The following BTN1A1 variants were observed in gnomAD, a reference collection of about 807,000 sequenced individuals.
The protein encoded by BTN1A1 is bK14H9.2 (butyrophilin, subfamily 1, member A1).
In BTN1A1, 26 loss-of-function variants were observed where a neutral mutation model predicts 33.1. That is an observed-to-expected ratio of 0.79 (90% CI 0.58 to 1.09). BTN1A1 has a LOEUF of 1.09. BTN1A1 is among the 50% of genes least tolerant of loss of function. BTN1A1 has a pLI of 0.00. For synonymous variants in BTN1A1, 235 were observed against 256.2 expected, an observed-to-expected ratio of 0.92 and a Z score of 0.79; for missense variants, 558 against 655.7, an observed-to-expected ratio of 0.85 and a Z score of 1.63.
intron 4 of BTN1A1, among the ~76,000 whole-genome samples, chr6:26,506,159 T>G (rs1432902983): frequency 6.6e-6 from 1 of 151,840 alleles, no homozygotes; most frequent in Non-Finnish European, 1.5e-5. Context: ...TTTTTCTACT[T>G]TTGCCATTTC....
At position 26,505,009 on chromosome 6, in the gene BTN1A1, C is replaced by G. The variant is rs1454414420; in HGVS notation, c.512C>G (p.Pro171Arg). 5.6e-6 allele frequency: 9 copies of G among 1,614,024 alleles called. No homozygotes were observed. Among genetic ancestry groups the G allele is most frequent in the Non-Finnish European group, 2.5e-6 (3 of 1,180,018 alleles). ...GAGTGCACCTCAGTGGGATGGTACC[C>G]AGAGCCCCAGGTGCAGTGGAGAACT... ...CLECTSVGWY[P>R]EPQVQWRTSK... Residue 171 changes from proline (P) to arginine (R), a missense_variant, in exon 4 of 8, where the codon CCA (proline) becomes CGA (arginine). Coordinates refer to ENST00000684113, the MANE Select transcript of BTN1A1 (RefSeq NM_001732.3).
chr6:26,508,816 C>A lies in BTN1A1; in HGVS notation c.1223C>A (p.Pro408His), dbSNP rs759635479. The change falls in exon 8 of 8, where the codon CCT (proline) becomes CAT (histidine). Residue 408 changes from proline to histidine, a missense_variant. Pro to His is a moderately conservative substitution (Grantham distance 77). Transcript: ENST00000684113. The stretch of plus-strand genomic sequence containing the variant: ...GGAAATGGGTACTGGGCCCTCACTC[C>A]TCTCCGGACCCCTCTCCCATTGGCA... ...LYGNGYWALT[P>H]LRTPLPLAGP... is the part of the protein sequence containing the mutation. 80 of 1,614,088 alleles carry A rather than the reference C, an allele frequency of 5.0e-5. No homozygotes were observed. Among genetic ancestry groups the A allele is most frequent in the Middle Eastern group, 1.6e-4 (1 of 6,084 alleles).
chr6:26,509,218 C>G lies in BTN1A1; in HGVS notation c.*44C>G. On this transcript the variant is annotated 3_prime_UTR_variant, in exon 8 of 8. Coordinates refer to ENST00000684113, the MANE Select transcript of BTN1A1 (RefSeq NM_001732.3). ...TGTTTTCCTTTCCTCTAACCCCTCT[C>G]CTCCATAGCCTTCTGAGGCTTCACC... 1 of 1,500,516 alleles carries G rather than the reference C, an allele frequency of 6.7e-7. No homozygotes were observed. The highest frequency in any genetic ancestry group is 2.0e-4 in the Middle Eastern group (1 of 4,888). The allele number at this position is 1,500,516 out of a possible 1,614,324, so 93.0% of individuals were successfully genotyped here.
In BTN1A1 at chr6:26,501,413, A is replaced by C. The variant is rs1368467350; in HGVS notation, c.79+48A>C. The stretch of plus-strand genomic sequence containing the variant: ...GCTGCATAGTTGAAATATATCAATA[A>C]ATGTAAAATAAACAATCCCACTTGG... On this transcript the variant is annotated intron_variant, in intron 2 of 7. Coordinates refer to ENST00000684113, the MANE Select transcript of BTN1A1 (RefSeq NM_001732.3). This position sits in a 1 kb window ranked among gnomAD's most constrained non-coding sequence, Gnocchi z 5.2. 2 of 1,588,968 alleles carry C rather than the reference A, an allele frequency of 1.3e-6. No individual in the cohort carries two copies. Among genetic ancestry groups the C allele is most frequent in the Non-Finnish European group, 1.7e-6 (2 of 1,157,480 alleles).
intron 7 of BTN1A1, 125 bp from the exon 8 acceptor site, chr6:26,508,376 C>T (rs939474959): frequency 7.7e-6 from 9 of 1,173,800 alleles, no homozygotes; most frequent in Non-Finnish European, 8.4e-6. Flanking sequence ...GCAGGCCAAA[C>T]ATCCCCCCAC....
chr6:26,505,268 G>A, intron 4 of BTN1A1, 62 bp downstream of exon 4: 1 of 1,516,146 alleles, frequency 6.6e-7, no homozygotes, highest in Non-Finnish European at 9.0e-7. Flanking sequence ...ACACCACCTG[G>A]GACACCTGCC....
chr6:26,507,913 A>G (rs1581430961), intron 5 of BTN1A1, 37 bp from the exon 6 acceptor site: 2 of 1,612,830 alleles, frequency 1.2e-6, no homozygotes, highest in East Asian at 2.2e-5. Flanking sequence ...TACGTCCACT[A>G]TAGAAAGCCA....
chr6:26,506,784 C>T lies in BTN1A1; in HGVS notation c.811C>T (p.Leu271=). 1.2e-6 allele frequency: 2 copies of T among 1,614,082 alleles called. No homozygotes were observed. The highest frequency in any genetic ancestry group is 1.1e-5 in the South Asian group (1 of 91,072). Residue 271 remains leucine, a synonymous_variant, in exon 5 of 8, where the codon CTA becomes TTA. Transcript: ENST00000684113. The part of the protein sequence containing the change: ...TIGSIFFTWR[L]YNERPRERRN... ...TGGGTCCATATTTTTCACTTGGAGA[C>T]TATACAACGAAAGACCCAGAGAGAG...
At chr6:26,506,178 C>G (rs1763868025) in intron 4 of BTN1A1, among the ~76,000 whole-genome samples, 1 of 151,634 alleles carries the variant, frequency 6.6e-6, no homozygotes, top group South Asian at 2.1e-4. Context: ...TCCACCCATA[C>G]TCACTTCTCC....
At position 26,505,090 on chromosome 6, in the gene BTN1A1, G is replaced by A; in HGVS notation, c.593G>A (p.Gly198Asp). 2.5e-6 allele frequency: 4 copies of A among 1,614,242 alleles called. 1 individual carries two copies. Among genetic ancestry groups the A allele is most frequent in the South Asian group, 1.1e-5 (1 of 91,092 alleles). Reference sequence around the variant, plus strand: ...GAGTCCAGGAATCCTGATGAAGAAGGTTTGTTCACTGTGGCTGCTTCAGTG... The same window carrying A: ...GAGTCCAGGAATCCTGATGAAGAAGATTTGTTCACTGTGGCTGCTTCAGTG... ...TSESRNPDEE[G>D]LFTVAASVII... Residue 198 changes from glycine to aspartate, a missense_variant, in exon 4 of 8, where the codon GGT becomes GAT. By Grantham distance (94) the Gly-to-Asp change is moderately conservative. Coordinates refer to ENST00000684113, the MANE Select transcript of BTN1A1 (RefSeq NM_001732.3).
Position 26,508,554 on chromosome 6 carries a change from G to A in BTN1A1, c.961G>A (p.Asp321Asn), listed in dbSNP as rs2113895348. ...TCATCCCCACCTCTTTCTTTATGAG[G>A]ATTCAAAATCTGTTCGACTGGAAGA... Reference protein sequence around the residue: ...TAHPHLFLYEDSKSVRLEDSR... With the variant: ...TAHPHLFLYENSKSVRLEDSR... Residue 321 changes from aspartate (D) to asparagine (N), a missense_variant, in exon 8 of 8, where the codon GAT becomes AAT. By Grantham distance (23) the Asp-to-Asn change is conservative. Transcript: ENST00000684113. 1 of 1,614,138 alleles carries A rather than the reference G, an allele frequency of 6.2e-7. No individual in the cohort carries two copies.
At chr6:26,506,956 C>A in intron 5 of BTN1A1, 124 bp downstream of exon 5, 1 of 1,237,080 alleles carries the variant, frequency 8.1e-7, no homozygotes, top group Non-Finnish European at 1.1e-6. Context: ...CATGGTGGCT[C>A]ACGCCTGTAA....
Position 26,501,508 on chromosome 6 carries a change from T to C in BTN1A1, c.80-82T>C, listed in dbSNP as rs1282711105. On this transcript the variant is annotated intron_variant, in intron 2 of 7. Coordinates refer to ENST00000684113, the MANE Select transcript of BTN1A1 (RefSeq NM_001732.3). The surrounding 1 kb of genome is among the most constrained non-coding windows in gnomAD (Gnocchi z 5.2). ...AAAGGAGTAAGAGAGCGCGGGGCAC[T>C]GCGCTTTGGCGGGAATCTGGTCGGT... is the stretch of plus-strand genomic sequence containing the variant. 3.8e-6 allele frequency: 6 copies of C among 1,590,060 alleles called. No individual in the cohort carries two copies. Among genetic ancestry groups the C allele is most frequent in the Non-Finnish European group, 5.2e-6 (6 of 1,162,752 alleles).
rs1763795538 is a variant in BTN1A1, at chr6:26,501,358, G to A, written c.72G>A (p.Leu24=). ...TCATTCTCCTCCAGCTGCCCAAACT[G>A]GATTCAGGTAAGTCTCTCTCTCTCT... ...LTLILLQLPK[L]DSAPFDVIGP... Residue 24 remains leucine, a synonymous_variant, in exon 2 of 8, where the codon CTG becomes CTA. Coordinates refer to ENST00000684113, the MANE Select transcript of BTN1A1 (RefSeq NM_001732.3). This position sits in a 1 kb window ranked among gnomAD's most constrained non-coding sequence, Gnocchi z 5.2. The A allele has an allele frequency of 6.2e-7, 1 of 1,613,432 alleles. No individual in the cohort carries two copies. Among genetic ancestry groups the A allele is most frequent in the Non-Finnish European group, 8.5e-7 (1 of 1,179,518 alleles).
In BTN1A1 at chr6:26,501,518, C is replaced by A; in HGVS notation, c.80-72C>A. On this transcript the variant is annotated intron_variant, in intron 2 of 7. Coordinates refer to ENST00000684113, the MANE Select transcript of BTN1A1 (RefSeq NM_001732.3). The surrounding 1 kb of genome is among the most constrained non-coding windows in gnomAD (Gnocchi z 5.2). ...GAGAGCGCGGGGCACTGCGCTTTGGCGGGAATCTGGTCGGTGTCTGTCCGT... is the reference window on the plus strand; with the variant it reads ...GAGAGCGCGGGGCACTGCGCTTTGGAGGGAATCTGGTCGGTGTCTGTCCGT... The A allele has an allele frequency of 6.3e-7, 1 of 1,593,648 alleles. No individual in the cohort carries two copies. Among genetic ancestry groups the A allele is most frequent in the Non-Finnish European group, 8.6e-7 (1 of 1,166,406 alleles).
chr6:26,500,456 G>C (rs1340387820), intron 1 of BTN1A1, among the ~76,000 whole-genome samples, 98 bp downstream of exon 1: 1 of 151,964 alleles, frequency 6.6e-6, no homozygotes, highest in Non-Finnish European at 1.5e-5. Flanking sequence ...CTTGGTCCTA[G>C]GCCCTCTACT....
Position 26,508,671 on chromosome 6 carries a change from T to TCA in BTN1A1, c.1078_1079insCA (p.Trp360SerfsTer21). On this transcript the variant is annotated frameshift_variant, in exon 8 of 8. Transcript: ENST00000684113. LOFTEE classifies it low-confidence loss of function (END_TRUNC). ...GACCTTCACCTCAGGAAGGCATTAC[T>TCA]GGGAGGTGGAGGTGGGAGACAGGAC... The TCA allele has an allele frequency of 6.2e-7, 1 of 1,614,098 alleles. No individual in the cohort carries two copies. Among genetic ancestry groups the TCA allele is most frequent in the Non-Finnish European group, 8.5e-7 (1 of 1,180,000 alleles).
Position 26,506,899 on chromosome 6 carries a change from T to C in BTN1A1, c.859+67T>C. On this transcript the variant is annotated intron_variant, in intron 5 of 7. Transcript: ENST00000684113. Reference sequence around the variant, plus strand: ...TCAGAGGCAGGCTGGATCCAAGTCCTTTAGAATGACTTATTTTAGGATGAC... The same window carrying C: ...TCAGAGGCAGGCTGGATCCAAGTCCCTTAGAATGACTTATTTTAGGATGAC... The C allele has an allele frequency of 3.2e-6, 5 of 1,548,380 alleles. No individual in the cohort carries two copies. In the South Asian group the frequency reaches 4.6e-5, roughly 14 times the overall value.
intron 5 of BTN1A1, 116 bp downstream of exon 5, chr6:26,506,948 T>C: frequency 1.5e-6 from 2 of 1,318,024 alleles, no homozygotes; most frequent in Non-Finnish European, 2.1e-6. Flanking sequence ...AGGCTGGGCA[T>C]GGTGGCTCAC....
Sources: allele counts gnomAD v4.1 joint callset (sites outside exome capture counted in the v4.1 genomes callset), GRCh38; gene constraint gnomAD v4.1.1; non-coding constraint Gnocchi (gnomAD v3.1); transcripts MANE v1.5; gene names NCBI Gene and HGNC (gene_info 2026-07-23, HGNC 2026-07-21).